PDZD7: variants seen among roughly 807,000 people sequenced by gnomAD.
PDZD7 encodes PDZ domain containing 7.
In PDZD7, 72 loss-of-function variants were observed where a neutral mutation model predicts 84.7. That is an observed-to-expected ratio of 0.85 (90% CI 0.70 to 1.03). The LOEUF (loss-of-function observed/expected upper bound fraction) is 1.03. Ranked by LOEUF, PDZD7 falls within the 50% of genes least tolerant of loss-of-function variation. The probability of loss-of-function intolerance (pLI) is 0.00; values close to 1 mark genes in which losing one functional copy is unlikely to be tolerated. For synonymous variants in PDZD7, 594 were observed against 580.7 expected (o/e 1.02, Z -0.33); for missense variants, 1,490 against 1,412.9 (o/e 1.05, Z -0.87).
chr10:101,015,901 T>C, intron 10 of PDZD7, 90 bp from the exon 11 acceptor site: 1 of 1,380,276 alleles, frequency 7.2e-7, no homozygotes, highest in Admixed American at 2.5e-5. Context: ...CCCAGGTACC[T>C]GGGGCAGAAT....
intron 5 of PDZD7, 127 bp from the exon 6 acceptor site, chr10:101,022,072 C>T (rs930953194): frequency 2.2e-5 from 34 of 1,548,940 alleles, no homozygotes; most frequent in Middle Eastern, 1.7e-4. Flanking sequence ...TGGGGCCTCC[C>T]GCCCCCTCCC....
At chr10:101,017,722 G>T in intron 9 of PDZD7, 1 of 648,358 alleles carries the variant, frequency 1.5e-6, no homozygotes, top group Non-Finnish European at 2.8e-6. Context: ...GGAGGCGCAG[G>T]TCGCAGTGAG....
At chr10:101,021,468 GCCACCACC>G (rs1175807193) in intron 6 of PDZD7, among the ~76,000 whole-genome samples, 1 of 152,116 alleles carries the variant, frequency 6.6e-6, no homozygotes, top group Non-Finnish European at 1.5e-5. Flanking sequence ...CCAAACCGCA[GCCACCACC>G]CCTCCCTTCT....
rs1315085387 is a variant in PDZD7, at chr10:101,022,596, C to CT, written c.543-212dup. 5.9e-3 allele frequency among the ~76,000 whole-genome samples: 833 copies of CT among 140,912 alleles called. 3 individuals are homozygous for CT. The highest frequency in any genetic ancestry group is 0.014 in the African/African-American group (536 of 38,534). The allele number at this position is 140,912 out of a possible 152,430, so 92.4% of individuals were successfully genotyped here. ...CAGCTGCAATGTGCCAGGACCATTC[C>CT]TTTTTTTTTTTTTTTTGAGACAGGG... On this transcript the variant is annotated intron_variant, in intron 4 of 16. Coordinates refer to ENST00000619208, the MANE Select transcript of PDZD7 (RefSeq NM_001195263.2).
chr10:101,016,314 G>T (rs1048048801), intron 10 of PDZD7, 63 bp downstream of exon 10: 7 of 1,519,374 alleles, frequency 4.6e-6, no homozygotes, highest in Non-Finnish European at 5.4e-6. Flanking sequence ...CTGGCCCCCA[G>T]TATGCACCCT....
intron 9 of PDZD7, chr10:101,017,746 A>C (rs1852705163): frequency 1.7e-6 from 1 of 583,050 alleles, no homozygotes; most frequent in South Asian, 2.1e-5. Flanking sequence ...AGATGGTGCC[A>C]TTACACTCTC....
rs776796483 is a variant in PDZD7, at chr10:101,030,002, G to C, written c.218C>G (p.Pro73Arg). The change falls in exon 2 of 17, where the codon CCC becomes CGC. Residue 73 changes from proline (P) to arginine (R), a missense_variant. Physicochemically the swap from Pro to Arg is moderately radical, Grantham distance 103. Coordinates refer to ENST00000619208, the MANE Select transcript of PDZD7 (RefSeq NM_001195263.2). ...PMGRVILINS[P>R]IEANSDESDI... The stretch of plus-strand genomic sequence containing the variant: ...CTGGGTCCCGCCCCTACCTTCGATG[G>C]GGGAGTTGATGAGGATGACGCGTCC... 1.3e-5 allele frequency: 21 copies of C among 1,612,758 alleles called. No individual in the cohort carries two copies. In the South Asian group the frequency reaches 2.3e-4, roughly 18 times the overall value.
chr10:101,022,415 G>C lies in PDZD7; in HGVS notation c.543-30C>G, dbSNP rs754314623. ...ACAACAGCAGGGGGCCCTCAGGTGG[G>C]GTCCTCCATCCACTGCCACCCACCA... On this transcript the variant is annotated intron_variant, in intron 4 of 16. Coordinates refer to ENST00000619208, the MANE Select transcript of PDZD7 (RefSeq NM_001195263.2). 8 of 1,612,858 alleles carry C rather than the reference G, an allele frequency of 5.0e-6. No homozygotes were observed. In the South Asian group the frequency reaches 8.8e-5, roughly 18 times the overall value.
intron 8 of PDZD7, 122 bp downstream of exon 8, chr10:101,018,700 G>T: frequency 7.7e-7 from 1 of 1,292,126 alleles, no homozygotes. Flanking sequence ...CCTGGAGCTT[G>T]GGTTGGGCAA....
In PDZD7 at chr10:101,010,729, C is replaced by A; in HGVS notation, c.2160G>T (p.Val720=). The A allele has an allele frequency of 6.6e-7, 1 of 1,519,258 alleles. No homozygotes were observed. Among genetic ancestry groups the A allele is most frequent in the Non-Finnish European group, 8.8e-7 (1 of 1,142,592 alleles). The allele number at this position is 1,519,258 out of a possible 1,614,324, so 94.1% of individuals were successfully genotyped here. ...GGAGGGGGGTGAAGGCATCTACTGG[C>A]ACGTCTTGTAGAGGGGGGATCCCTT... ...PHKGIPPLQD[V]PVDAFTPLRI... The change falls in exon 15 of 17, where the codon GTG becomes GTT. Residue 720 remains valine (V), a synonymous_variant. Coordinates refer to ENST00000619208, the MANE Select transcript of PDZD7 (RefSeq NM_001195263.2).
chr10:101,025,880 C>T (rs61871511), intron 2 of PDZD7, among the ~76,000 whole-genome samples: 11,296 of 152,186 alleles, frequency 0.074, 471 homozygotes, highest in Middle Eastern at 0.1. Context: ...GATAGTAAGC[C>T]TCCCATCTTT....
chr10:101,011,895 G>A, intron 13 of PDZD7, 30 bp downstream of exon 13: 1 of 1,549,624 alleles, frequency 6.5e-7, no homozygotes, highest in Non-Finnish European at 8.7e-7. Context: ...CAGGGCTCAG[G>A]ACCCAGAAGC....
intron 2 of PDZD7, 55 bp from the exon 3 acceptor site, chr10:101,024,123 C>T: frequency 1.9e-6 from 3 of 1,613,550 alleles, no homozygotes; most frequent in Non-Finnish European, 2.5e-6. Flanking sequence ...CACAGAGGGC[C>T]CCTGGGTTCC....
rs759300268 is a variant in PDZD7 at position 101,023,614 on chromosome 10, C to T, written c.368-4G>A. On this transcript the variant is annotated splice_polypyrimidine_tract_variant and splice_region_variant and intron_variant, in intron 3 of 16. Transcript: ENST00000619208. ...CCCACGCACAGGCCAGCCCGCTCTG[C>T]ACCACAGGATGGGAGTGGCTGGCAT... is the stretch of plus-strand genomic sequence containing the variant. 6 of 1,611,182 alleles carry T rather than the reference C, an allele frequency of 3.7e-6. No individual in the cohort carries two copies. The highest frequency in any genetic ancestry group is 5.1e-6 in the Non-Finnish European group (6 of 1,180,002).
chr10:101,009,141 C>G (rs1289195036), intron 16 of PDZD7, 109 bp downstream of exon 16: 28 of 1,084,702 alleles, frequency 2.6e-5, no homozygotes, highest in Non-Finnish European at 3.5e-5. Flanking sequence ...AGCCTCCTCC[C>G]ACAACCCGGG....
At position 101,009,599 on chromosome 10, in the gene PDZD7, C is replaced by CTTTT. The variant is rs142806278; in HGVS notation, c.2618-253_2618-250dup. ...ATTTATTTATTTTTTGAGACAGAGT[C>CTTTT]TTTTTTTTTTTTTTTTTTTTTTTTT... On this transcript the variant is annotated intron_variant, in intron 15 of 16. Coordinates refer to ENST00000619208, the MANE Select transcript of PDZD7 (RefSeq NM_001195263.2). 6.5e-3 allele frequency among the ~76,000 whole-genome samples: 402 copies of CTTTT among 62,290 alleles called. 2 individuals carry two copies. The highest frequency in any genetic ancestry group is 8.3e-3 in the Non-Finnish European group (310 of 37,556). The allele number at this position is 62,290 out of a possible 152,430, so 40.9% of individuals were successfully genotyped here. A position where few individuals can be genotyped will look rare whatever the true frequency, so the allele number is the denominator to read the frequency against.
intron 9 of PDZD7, 46 bp from the exon 10 acceptor site, chr10:101,016,473 T>A: frequency 6.5e-7 from 1 of 1,545,530 alleles, no homozygotes. Context: ...GCCCCCAGTC[T>A]GAAAATGGGG....
chr10:101,015,213 A>G (rs1283143349), intron 11 of PDZD7, among the ~76,000 whole-genome samples: 1 of 152,194 alleles, frequency 6.6e-6, no homozygotes, highest in African/African-American at 2.4e-5. Context: ...CATGCAGTGA[A>G]GGATGGAGGC....
intron 2 of PDZD7, among the ~76,000 whole-genome samples, chr10:101,024,835 ATG>A (rs61697970): frequency 0.3 from 43,785 of 148,008 alleles, 7,136 homozygotes; most frequent in Middle Eastern, 0.4. Flanking sequence ...CCTTCCTAAT[ATG>A]TGTGTGTGTG....
Sources: allele counts gnomAD v4.1 joint callset (sites outside exome capture counted in the v4.1 genomes callset), GRCh38; gene constraint gnomAD v4.1.1; transcripts MANE v1.5; gene names NCBI Gene and HGNC (gene_info 2026-07-23, HGNC 2026-07-21).